The following EFCC1 variants were observed in gnomAD, a reference collection of about 807,000 sequenced individuals.
EFCC1 encodes the protein EF-hand and coiled-coil domain-containing protein 1.
EFCC1 carries 50 observed loss-of-function variants against 52.1 expected under a neutral mutation model. That is an observed-to-expected ratio of 0.96 (90% CI 0.76 to 1.21). EFCC1 has a LOEUF of 1.21. EFCC1 is among the 50% of genes most tolerant of loss of function. The pLI is 0.00. For missense variants in EFCC1, 837 were observed against 867.3 expected, an observed-to-expected ratio of 0.97 and a Z score of 0.44; for synonymous variants, 399 against 396.5, an observed-to-expected ratio of 1.01 and a Z score of -0.08.
intron 6 of EFCC1, among the ~76,000 whole-genome samples, chr3:129,038,523 G>A (rs1022996973): frequency 6.6e-6 from 1 of 152,242 alleles, no homozygotes; most frequent in African/African-American, 2.4e-5. Flanking sequence ...AAAATCAAAT[G>A]AGCAAATGCA....
At chr3:129,039,038 C>T in intron 7 of EFCC1, 138 bp downstream of exon 7, 2 of 789,122 alleles carry the variant, frequency 2.5e-6, no homozygotes, top group Non-Finnish European at 2.1e-6. Flanking sequence ...CTTTAGAAAG[C>T]TGAAGGGGCT....
At chr3:129,036,840 C>A in intron 5 of EFCC1, 137 bp from the exon 6 acceptor site, 1 of 1,254,634 alleles carries the variant, frequency 8.0e-7, no homozygotes, top group Non-Finnish European at 1.1e-6. Flanking sequence ...CAGTCCAACC[C>A]GCTGTGTGGC....
intron 2 of EFCC1, among the ~76,000 whole-genome samples, chr3:129,019,685 G>A (rs990734953): frequency 2.6e-5 from 4 of 152,006 alleles, no homozygotes; most frequent in African/African-American, 9.7e-5. Context: ...GTGAGCCACA[G>A]GTAGCTACTG....
rs546800312 is a variant in EFCC1, at chr3:129,010,313, T to A, written c.980+6236T>A. ...GCTCTGAAGCCAAGGAGCAGCTGAG[T>A]CCCCTTGATGGGGCCTTCAGGACAC... On this transcript the variant is annotated intron_variant, in intron 2 of 7. Transcript: ENST00000683648. This position sits in a 1 kb window ranked among gnomAD's most constrained non-coding sequence, Gnocchi z 4.3. Among the ~76,000 whole-genome samples, 2 of 152,002 alleles carry A rather than the reference T, an allele frequency of 1.3e-5. No homozygotes were observed. Among genetic ancestry groups the A allele is most frequent in the Non-Finnish European group, 2.9e-5 (2 of 68,000 alleles).
At chr3:129,002,620 A>G (rs1031576229) in intron 1 of EFCC1, 2 of 456,626 alleles carry the variant, frequency 4.4e-6, no homozygotes, top group Non-Finnish European at 7.5e-6. Context: ...TGCCCCTTTA[A>G]CCTAGGAATT....
intron 2 of EFCC1, among the ~76,000 whole-genome samples, chr3:129,019,797 T>G (rs1945752243): frequency 6.7e-6 from 1 of 149,842 alleles, no homozygotes; most frequent in Non-Finnish European, 1.5e-5. Context: ...AGACTGAGTT[T>G]CGCTCTTGTT....
Position 129,002,060 on chromosome 3 carries a change from G to T in EFCC1, c.432G>T (p.Gln144His). 1 of 1,539,158 alleles carries T rather than the reference G, an allele frequency of 6.5e-7. No homozygotes were observed. The highest frequency in any genetic ancestry group is 8.8e-7 in the Non-Finnish European group (1 of 1,142,630). ...AGCCGCCGGAGCTCACCTTCCGCCA[G>T]TTCCACGCGCGCCTCTGTGGCTACT... ...RAEPPELTFR[Q>H]FHARLCGYFG... Residue 144 changes from glutamine (Q) to histidine (H), a missense_variant, in exon 1 of 8, where the codon CAG becomes CAT. Physicochemically the swap from Gln to His is conservative, Grantham distance 24. Coordinates refer to ENST00000683648, the MANE Select transcript of EFCC1 (RefSeq NM_001377500.1).
intron 2 of EFCC1, among the ~76,000 whole-genome samples, chr3:129,005,972 C>T (rs566418362): frequency 6.6e-6 from 1 of 152,372 alleles, no homozygotes; most frequent in South Asian, 2.1e-4. Flanking sequence ...TAGCAGAATG[C>T]TACAAGTGAC....
chr3:129,003,856 G>A lies in EFCC1; in HGVS notation c.759G>A (p.Ala253=), dbSNP rs562843573. Residue 253 remains alanine, a synonymous_variant, in exon 2 of 8, where the codon GCG becomes GCA. Transcript: ENST00000683648. ...TGGGGCACGGCGGGCCGGAGGCTGCGGTGCGGGAGCTGCGTCAGGCGCAGG... is the reference window on the plus strand; with the variant it reads ...TGGGGCACGGCGGGCCGGAGGCTGCAGTGCGGGAGCTGCGTCAGGCGCAGG... The part of the protein sequence containing the change: ...HEMGHGGPEA[A]VRELRQAQGA... 6.9e-7 allele frequency: 1 copy of A among 1,450,658 alleles called. No individual in the cohort carries two copies. The allele number at this position is 1,450,658 out of a possible 1,614,324, so 89.9% of individuals were successfully genotyped here. A position where few individuals can be genotyped will look rare whatever the true frequency, so the allele number is the denominator to read the frequency against.
Position 129,002,242 on chromosome 3 carries a change from A to C in EFCC1, c.614A>C (p.Glu205Ala). 2 of 1,529,808 alleles carry C rather than the reference A, an allele frequency of 1.3e-6. No homozygotes were observed. 94.8% of individuals were successfully genotyped at this position (1,529,808 alleles called of 1,614,324 possible). Residue 205 changes from glutamate to alanine, a missense_variant, in exon 1 of 8, where the codon GAG becomes GCG. Physicochemically the swap from Glu to Ala is moderately radical, Grantham distance 107. Transcript: ENST00000683648. Reference protein sequence around the residue: ...PDCERVARLEEENSSLRELVE... With the variant: ...PDCERVARLEAENSSLRELVE... ...TGTGAGCGCGTTGCGCGGCTGGAGGAGGAGAATAGCAGCTTGCGCGAGTTG... is the reference window on the plus strand; with the variant it reads ...TGTGAGCGCGTTGCGCGGCTGGAGGCGGAGAATAGCAGCTTGCGCGAGTTG...
rs961800230 is a variant in EFCC1, at chr3:129,001,623, G to T, written c.-6G>T. On this transcript the variant is annotated 5_prime_UTR_variant, in exon 1 of 8. Coordinates refer to ENST00000683648, the MANE Select transcript of EFCC1 (RefSeq NM_001377500.1). ...GGACCGGAGGAGCGAGGCGCGCGGCGCAGCGATGGAGCCGGTCAGCACGGG... is the reference window on the plus strand; with the variant it reads ...GGACCGGAGGAGCGAGGCGCGCGGCTCAGCGATGGAGCCGGTCAGCACGGG... The T allele has an allele frequency of 7.4e-7, 1 of 1,355,374 alleles. No homozygotes were observed. Among genetic ancestry groups the T allele is most frequent in the Non-Finnish European group, 9.4e-7 (1 of 1,059,020 alleles). The allele number at this position is 1,355,374 out of a possible 1,614,324, so 84.0% of individuals were successfully genotyped here.
chr3:129,007,820 C>G (rs1251920094), intron 2 of EFCC1, among the ~76,000 whole-genome samples: 1 of 152,196 alleles, frequency 6.6e-6, no homozygotes, highest in Non-Finnish European at 1.5e-5. Context: ...CAGACCTGTA[C>G]TTTCTTTTTC....
At chr3:129,030,310 G>A (rs1946245696) in intron 2 of EFCC1, 1 of 160,238 alleles carries the variant, frequency 6.2e-6, no homozygotes, top group Admixed American at 6.4e-5. Context: ...AAGACATTAA[G>A]GCTTTTGTTC....
rs546800312 is a variant in EFCC1 at position 129,010,313 on chromosome 3, T to G, written c.980+6236T>G. ...GCTCTGAAGCCAAGGAGCAGCTGAG[T>G]CCCCTTGATGGGGCCTTCAGGACAC... On this transcript the variant is annotated intron_variant, in intron 2 of 7. Transcript: ENST00000683648. The surrounding 1 kb of genome is among the most constrained non-coding windows in gnomAD (Gnocchi z 4.3). Among the ~76,000 whole-genome samples the G allele has an allele frequency of 7.2e-5, 11 of 152,120 alleles. No homozygotes were observed. In the South Asian group the frequency reaches 1.7e-3, roughly 23 times the overall value.
chr3:129,002,393 G>C, intron 1 of EFCC1, 69 bp downstream of exon 1: 1 of 1,469,720 alleles, frequency 6.8e-7, no homozygotes, highest in Non-Finnish European at 9.0e-7. Flanking sequence ...CTGGCTGGCT[G>C]CGGAGCCCGA....
intron 2 of EFCC1, among the ~76,000 whole-genome samples, chr3:129,011,323 G>A (rs1945316662): frequency 6.6e-6 from 1 of 152,164 alleles, no homozygotes; most frequent in African/African-American, 2.4e-5. Flanking sequence ...GGCCGAAGTG[G>A]GTGGATCACC....
chr3:129,007,691 C>G (rs1373647342), intron 2 of EFCC1, among the ~76,000 whole-genome samples: 1 of 152,226 alleles, frequency 6.6e-6, no homozygotes, highest in African/African-American at 2.4e-5. Context: ...TACCCAAACT[C>G]AGCTGAATTT....
chr3:129,002,428 G>A, intron 1 of EFCC1, 104 bp downstream of exon 1: 1 of 1,418,496 alleles, frequency 7.0e-7, no homozygotes, highest in Non-Finnish European at 9.2e-7. Context: ...AGGAAGGGGA[G>A]ACAGAGGGCA....
intron 2 of EFCC1, among the ~76,000 whole-genome samples, chr3:129,029,333 G>T (rs760047254): frequency 1.3e-5 from 2 of 152,148 alleles, no homozygotes; most frequent in Non-Finnish European, 2.9e-5. Flanking sequence ...AAAAGGTCAG[G>T]CCCTTAAAAT....
Sources: allele counts gnomAD v4.1 joint callset (sites outside exome capture counted in the v4.1 genomes callset), GRCh38; gene constraint gnomAD v4.1.1; non-coding constraint Gnocchi (gnomAD v3.1); transcripts MANE v1.5; gene names NCBI Gene and HGNC (gene_info 2026-07-23, HGNC 2026-07-21).